The following ENPP1 variants were observed in gnomAD, a reference collection of about 807,000 sequenced individuals.
The protein encoded by ENPP1 is ectonucleotide pyrophosphatase/phosphodiesterase family member 1.
Under a neutral mutation model 122.8 loss-of-function variants are expected in ENPP1, and 73 were observed. The observed-to-expected ratio is 0.59, with a 90% CI of 0.49 to 0.72. The LOEUF is 0.72. Among genes scored for constraint, ENPP1 ranks in the 30% least tolerant of loss-of-function variants. The pLI, the probability that ENPP1 is intolerant of heterozygous loss-of-function variation, is 0.00. For missense variants in ENPP1, 978 were observed against 1,128.1 expected (o/e 0.87, Z 1.91); for synonymous variants, 367 against 391.6 (o/e 0.94, Z 0.74).
At chr6:131,822,397 G>T (rs1020439261) in intron 1 of ENPP1, among the ~76,000 whole-genome samples, 1 of 152,038 alleles carries the variant, frequency 6.6e-6, no homozygotes, top group Non-Finnish European at 1.5e-5. Context: ...TGAGGAGTTG[G>T]ATTAGATGGG....
chr6:131,846,394 CCTT>C lies in ENPP1; in HGVS notation c.241-1378_241-1376del, dbSNP rs1464337307. On this transcript the variant is annotated intron_variant, in intron 1 of 24. Coordinates refer to ENST00000647893, the MANE Select transcript of ENPP1 (RefSeq NM_006208.3). ...TTCCATGTGCCTGCCTTCGTGGAAC[CCTT>C]CTTTATGCTGCCCTTTCTCCTAGAA... 3.9e-5 allele frequency among the ~76,000 whole-genome samples: 6 copies of C among 152,126 alleles called. No individual in the cohort carries two copies. In the East Asian group the frequency reaches 9.6e-4, roughly 24 times the overall value.
chr6:131,821,156 C>A (rs533289479), intron 1 of ENPP1, among the ~76,000 whole-genome samples: 1 of 152,098 alleles, frequency 6.6e-6, no homozygotes, highest in Non-Finnish European at 1.5e-5. Context: ...GAATCTTGGG[C>A]CCCACCCCAG....
At chr6:131,809,513 G>A (rs1781322277) in intron 1 of ENPP1, among the ~76,000 whole-genome samples, 2 of 152,174 alleles carry the variant, frequency 1.3e-5, no homozygotes, top group Admixed American at 1.3e-4. Flanking sequence ...TTTGCATCTT[G>A]TAACACTGTT....
intron 1 of ENPP1, among the ~76,000 whole-genome samples, chr6:131,819,478 TCA>T (rs1781457212): frequency 6.6e-6 from 1 of 152,224 alleles, no homozygotes; most frequent in African/African-American, 2.4e-5. Context: ...TTCTTCAGAT[TCA>T]GTTTTTTTGT....
At chr6:131,812,947 C>T (rs1426389229) in intron 1 of ENPP1, among the ~76,000 whole-genome samples, 1 of 152,080 alleles carries the variant, frequency 6.6e-6, no homozygotes, top group African/African-American at 2.4e-5. Context: ...TCAAGCGATT[C>T]TTCTGTCTCA....
rs1048412558 is a variant in ENPP1, at chr6:131,873,117, C to A, written c.1565+67C>A. 9 of 1,518,224 alleles carry A rather than the reference C, an allele frequency of 5.9e-6. No individual in the cohort carries two copies. The African/African-American group carries it at 8.2e-5, about 14-fold the overall frequency. The allele number at this position is 1,518,224 out of a possible 1,614,324, so 94.0% of individuals were successfully genotyped here. A position where few individuals can be genotyped will look rare whatever the true frequency, so the allele number is the denominator to read the frequency against. ...TTAGTGATTCAGGGTAACCATTGGGCCCTTTCTAACAATATTGTTATGTGA... is the reference window on the plus strand; with the variant it reads ...TTAGTGATTCAGGGTAACCATTGGGACCTTTCTAACAATATTGTTATGTGA... On this transcript the variant is annotated intron_variant, in intron 15 of 24. Coordinates refer to ENST00000647893, the MANE Select transcript of ENPP1 (RefSeq NM_006208.3).
chr6:131,831,574 A>G (rs1484306874), intron 1 of ENPP1, among the ~76,000 whole-genome samples: 1 of 152,152 alleles, frequency 6.6e-6, no homozygotes, highest in Non-Finnish European at 1.5e-5. Context: ...TGACCTTGAC[A>G]GTTTTAAAGA....
intron 16 of ENPP1, 101 bp from the exon 17 acceptor site, chr6:131,875,675 C>G (rs1316708062): frequency 1.2e-6 from 1 of 865,784 alleles, no homozygotes; most frequent in Non-Finnish European, 2.0e-6. Flanking sequence ...CTTATCTTAT[C>G]ATAACCAGTT....
intron 1 of ENPP1, among the ~76,000 whole-genome samples, chr6:131,811,376 A>ACATATC (rs1554275480): frequency 1.5e-5 from 2 of 131,280 alleles, no homozygotes; most frequent in African/African-American, 6.0e-5. Context: ...ATCTATATCT[A>ACATATC]TATATCTATA....
At chr6:131,847,874 T>C (rs1374111707) in intron 2 of ENPP1, 26 bp downstream of exon 2, 2 of 1,446,172 alleles carry the variant, frequency 1.4e-6, no homozygotes, top group Non-Finnish European at 1.9e-6. Context: ...TGTGTGTGTG[T>C]GTGTGTGTGT....
chr6:131,827,774 A>G lies in ENPP1; in HGVS notation c.240+19499A>G, dbSNP rs186541566. 5.5e-3 allele frequency: 4,355 copies of G among 789,826 alleles called. 27 individuals carry two copies. Among genetic ancestry groups the G allele is most frequent in the Non-Finnish European group, 7.2e-3 (3,239 of 448,048 alleles). 48.9% of individuals were successfully genotyped at this position (789,826 alleles called of 1,614,324 possible). A position where few individuals can be genotyped will look rare whatever the true frequency, so the allele number is the denominator to read the frequency against. ...GAAGTTGGGCTTTCTATACCAGCTG[A>G]CTCCAAAGCCCGCTGCAGGTGGGGC... On this transcript the variant is annotated intron_variant, in intron 1 of 24. Transcript: ENST00000647893.
At chr6:131,885,172 A>G (rs1782361455) in intron 23 of ENPP1, 109 bp downstream of exon 23, 2 of 1,007,402 alleles carry the variant, frequency 2.0e-6, no homozygotes, top group African/African-American at 1.6e-5. Context: ...TCGTATGTTT[A>G]TGTGTATGAC....
intron 21 of ENPP1, 74 bp downstream of exon 21, chr6:131,882,548 A>C: frequency 1.1e-6 from 1 of 900,386 alleles, no homozygotes; most frequent in Non-Finnish European, 1.7e-6. Flanking sequence ...CCTACCATAC[A>C]TTATAGGGTA....
chr6:131,883,852 T>C (rs571182799), intron 22 of ENPP1, 78 bp downstream of exon 22: 43 of 771,892 alleles, frequency 5.6e-5, no homozygotes, highest in Non-Finnish European at 9.5e-5. Context: ...GTAATAGGAC[T>C]TATGGTCTAA....
At chr6:131,870,726 C>T (rs907388790) in intron 13 of ENPP1, among the ~76,000 whole-genome samples, 1 of 152,070 alleles carries the variant, frequency 6.6e-6, no homozygotes, top group Non-Finnish European at 1.5e-5. Flanking sequence ...AGTTTTAATT[C>T]GTATTTTTTT....
chr6:131,820,736 A>C (rs558092394), intron 1 of ENPP1: 1 of 152,202 alleles, frequency 6.6e-6, no homozygotes, highest in Non-Finnish European at 1.5e-5. Context: ...TGGCTCAGAG[A>C]AAGTTTGGAG....
chr6:131,863,523 T>G (rs766870259), intron 9 of ENPP1, among the ~76,000 whole-genome samples: 2 of 152,154 alleles, frequency 1.3e-5, no homozygotes, highest in African/African-American at 4.8e-5. Flanking sequence ...CCTTGTGATC[T>G]TATGCTAGTT....
At chr6:131,811,374 C>G (rs5880083) in intron 1 of ENPP1, among the ~76,000 whole-genome samples, 1 of 86,956 alleles carries the variant, frequency 1.2e-5, no homozygotes, top group Non-Finnish European at 2.5e-5. Flanking sequence ...ATATCTATAT[C>G]TATATATCTA....
At chr6:131,849,540 C>A (rs1585814327) in intron 2 of ENPP1, among the ~76,000 whole-genome samples, 3 of 152,272 alleles carry the variant, frequency 2.0e-5, no homozygotes, top group Admixed American at 2.0e-4. Context: ...GCTAGGTAAT[C>A]TTTTCCTTTC....
Sources: allele counts gnomAD v4.1 joint callset (sites outside exome capture counted in the v4.1 genomes callset), GRCh38; gene constraint gnomAD v4.1.1; transcripts MANE v1.5; gene names NCBI Gene and HGNC (gene_info 2026-07-23, HGNC 2026-07-21).